Variants in AJAP1 observed in about 807,000 individuals in gnomAD.
The protein encoded by AJAP1 is adherens junctions associated protein 1, also known as adherens junction-associated protein 1.
A neutral mutation model predicts 35.0 loss-of-function variants in AJAP1; 5 were observed. The observed-to-expected ratio is 0.14, with a 90% CI of 0.07 to 0.30. AJAP1 has a LOEUF of 0.30. Among genes scored for constraint, AJAP1 ranks in the 10% least tolerant of loss-of-function variants. The probability of loss-of-function intolerance (pLI) is 1.00; values close to 1 mark genes in which losing one functional copy is unlikely to be tolerated. For synonymous variants in AJAP1, 284 were observed against 249.3 expected (o/e 1.14, Z -1.31); for missense variants, 586 against 571.0 (o/e 1.03, Z -0.27).
At chr1:4,732,041 C>T (rs1308520203) in intron 2 of AJAP1, among the ~76,000 whole-genome samples, 3 of 152,374 alleles carry the variant, frequency 2.0e-5, no homozygotes, top group African/African-American at 2.4e-5. Context: ...GCAGGAGCCC[C>T]CTTTCTGAGT....
At chr1:4,764,109 C>T (rs986669878) in intron 2 of AJAP1, among the ~76,000 whole-genome samples, 7 of 152,220 alleles carry the variant, frequency 4.6e-5, no homozygotes, top group Admixed American at 4.6e-4. Context: ...AGACAGAAGA[C>T]CATGGGATTT....
rs951120308 is a variant in AJAP1 at position 4,740,104 on chromosome 1, C to A, written c.829+27405C>A. On this transcript the variant is annotated intron_variant, in intron 2 of 5. Coordinates refer to ENST00000378191, the MANE Select transcript of AJAP1 (RefSeq NM_018836.4). Reference sequence around the variant, plus strand: ...GCGTTATTTACAATATTCGAAGTCACACCTCCCAGGTGTCCATCTATGGAT... The same window carrying A: ...GCGTTATTTACAATATTCGAAGTCAAACCTCCCAGGTGTCCATCTATGGAT... Among the ~76,000 whole-genome samples the A allele has an allele frequency of 2.6e-5, 4 of 152,116 alleles. No individual in the cohort carries two copies. In the East Asian group the frequency reaches 7.8e-4, roughly 30 times the overall value.
chr1:4,760,080 A>G (rs1641528988), intron 2 of AJAP1, among the ~76,000 whole-genome samples: 2 of 152,188 alleles, frequency 1.3e-5, no homozygotes, highest in Non-Finnish European at 2.9e-5. Flanking sequence ...AGTTCAGTGA[A>G]AGAAATGGGT....
intron 1 of AJAP1, among the ~76,000 whole-genome samples, chr1:4,677,786 C>G (rs1249405370): frequency 6.6e-6 from 1 of 152,100 alleles, no homozygotes; most frequent in African/African-American, 2.4e-5. Context: ...TCATCAGAAG[C>G]CAGTAGCTAA....
chr1:4,770,910 G>A (rs966583348), intron 3 of AJAP1, among the ~76,000 whole-genome samples: 5 of 152,118 alleles, frequency 3.3e-5, no homozygotes, highest in African/African-American at 1.2e-4. Context: ...GGGACCCCGG[G>A]CGTTTTCTGG....
chr1:4,681,239 C>T (rs2100209817), intron 1 of AJAP1, among the ~76,000 whole-genome samples: 1 of 152,348 alleles, frequency 6.6e-6, no homozygotes, highest in East Asian at 1.9e-4. Context: ...TTTGGTAAAG[C>T]CCTTTGGAAG....
rs542855632 is a variant in AJAP1 at position 4,782,289 on chromosome 1, A to C, written c.*60-256A>C. ...AGCTCAGAGCTCTGTAGATGACCAG[A>C]ATTCCACAAGGTTCAGGCTCCCACT... On this transcript the variant is annotated intron_variant, in intron 5 of 5. Coordinates refer to ENST00000378191, the MANE Select transcript of AJAP1 (RefSeq NM_018836.4). The surrounding 1 kb of genome is among the most constrained non-coding windows in gnomAD (Gnocchi z 5.3). 6.6e-6 allele frequency among the ~76,000 whole-genome samples: 1 copy of C among 152,234 alleles called. No individual in the cohort carries two copies. Among genetic ancestry groups the C allele is most frequent in the South Asian group, 2.1e-4 (1 of 4,816 alleles).
At chr1:4,679,179 G>A (rs923725502) in intron 1 of AJAP1, among the ~76,000 whole-genome samples, 4 of 152,104 alleles carry the variant, frequency 2.6e-5, no homozygotes, top group African/African-American at 9.7e-5. Context: ...CTAACACTTG[G>A]GAAACCTGCT....
intron 1 of AJAP1, among the ~76,000 whole-genome samples, chr1:4,705,659 A>G (rs1467911688): frequency 6.6e-6 from 1 of 151,866 alleles, no homozygotes; most frequent in East Asian, 1.9e-4. Flanking sequence ...AAAACACAGA[A>G]GGCCGGTCTC....
intron 1 of AJAP1, among the ~76,000 whole-genome samples, chr1:4,660,961 G>A (rs1044990809): frequency 1.3e-5 from 2 of 152,140 alleles, no homozygotes; most frequent in Non-Finnish European, 2.9e-5. Flanking sequence ...TTTCTACCCT[G>A]GCTTATAGGC....
intron 2 of AJAP1, among the ~76,000 whole-genome samples, chr1:4,716,126 C>T (rs572705272): frequency 5.3e-5 from 8 of 152,294 alleles, no homozygotes; most frequent in South Asian, 2.1e-4. Flanking sequence ...AGAGAGGAAA[C>T]GTGGCTGGTG....
intron 5 of AJAP1, among the ~76,000 whole-genome samples, chr1:4,776,184 C>G (rs1641936626): frequency 6.6e-6 from 1 of 152,214 alleles, no homozygotes; most frequent in Non-Finnish European, 1.5e-5. Context: ...TCGTGGAACA[C>G]TTTTTACTTG....
chr1:4,737,479 G>A lies in AJAP1; in HGVS notation c.829+24780G>A, dbSNP rs567027082. Among the ~76,000 whole-genome samples, 35 of 151,966 alleles carry A rather than the reference G, an allele frequency of 2.3e-4. No individual in the cohort carries two copies. The South Asian group carries it at 5.2e-3, about 23-fold the overall frequency. Reference sequence around the variant, plus strand: ...ACGCAGTGCAAGTGCAAGCAGAGACGGGAGCCCCCCCGAGACGGAAGCCCC... The same window carrying A: ...ACGCAGTGCAAGTGCAAGCAGAGACAGGAGCCCCCCCGAGACGGAAGCCCC... On this transcript the variant is annotated intron_variant, in intron 2 of 5. Coordinates refer to ENST00000378191, the MANE Select transcript of AJAP1 (RefSeq NM_018836.4).
intron 2 of AJAP1, among the ~76,000 whole-genome samples, chr1:4,748,207 G>T (rs987863727): frequency 6.6e-6 from 1 of 151,900 alleles, no homozygotes; most frequent in African/African-American, 2.4e-5. Flanking sequence ...CCCTCCCATT[G>T]ACCCTCACCC....
At chr1:4,774,008 G>A (rs1297565348) in intron 4 of AJAP1, among the ~76,000 whole-genome samples, 4 of 152,230 alleles carry the variant, frequency 2.6e-5, no homozygotes, top group Admixed American at 6.5e-5. Context: ...TCTCAAAGGT[G>A]ACAAAATATG....
chr1:4,684,713 G>A (rs1486751074), intron 1 of AJAP1, among the ~76,000 whole-genome samples: 1 of 152,108 alleles, frequency 6.6e-6, no homozygotes, highest in Non-Finnish European at 1.5e-5. Flanking sequence ...GAACCCTGAG[G>A]CACAAAGGTA....
intron 1 of AJAP1, among the ~76,000 whole-genome samples, chr1:4,676,975 G>A (rs569220015): frequency 1.2e-3 from 177 of 152,282 alleles, no homozygotes; most frequent in Non-Finnish European, 2.1e-3. Context: ...TGGTCAACAT[G>A]GTGAAACCCC....
At chr1:4,773,669 C>G (rs1641887174) in intron 4 of AJAP1, among the ~76,000 whole-genome samples, 1 of 152,244 alleles carries the variant, frequency 6.6e-6, no homozygotes, top group Admixed American at 6.5e-5. Context: ...TTCCAGAAGG[C>G]TAAGTTCACA....
chr1:4,719,494 G>C (rs1421266328), intron 2 of AJAP1, among the ~76,000 whole-genome samples: 2 of 152,180 alleles, frequency 1.3e-5, no homozygotes, highest in Admixed American at 1.3e-4. Flanking sequence ...GCCGTTGCAG[G>C]TTTCTTGGAG....
Sources: allele counts gnomAD v4.1 joint callset (sites outside exome capture counted in the v4.1 genomes callset), GRCh38; gene constraint gnomAD v4.1.1; non-coding constraint Gnocchi (gnomAD v3.1); transcripts MANE v1.5; gene names NCBI Gene and HGNC (gene_info 2026-07-23, HGNC 2026-07-21).